The following NF1 variants were observed in gnomAD, a reference collection of about 807,000 sequenced individuals.
NF1 encodes the protein neurofibromin 1.
A neutral mutation model predicts 325.7 loss-of-function variants in NF1; 122 were observed. The observed-to-expected ratio is 0.37, with a 90% confidence interval of 0.32 to 0.44. The LOEUF (loss-of-function observed/expected upper bound fraction) is 0.44, where lower values mean the gene tolerates loss of function less well. Among genes scored for constraint, NF1 ranks in the 20% least tolerant of loss-of-function variants. The pLI is 1.00. For synonymous variants in NF1, 1,091 were observed against 1,186.0 expected (o/e 0.92, Z 1.65); for missense variants, 2,140 against 3,415.4 (o/e 0.63, Z 9.31).
intron 11 of NF1, among the ~76,000 whole-genome samples, chr17:31,204,236 A>C (rs2066581079): frequency 6.6e-6 from 1 of 152,104 alleles, no homozygotes. Context: ...TTTCCTTACG[A>C]CAATTTATCG....
chr17:31,218,675 G>A (rs538936679), intron 13 of NF1, among the ~76,000 whole-genome samples: 17 of 151,984 alleles, frequency 1.1e-4, no homozygotes, highest in Non-Finnish European at 1.0e-4. Flanking sequence ...AGCTTCAAGC[G>A]ATTCTCCTGC....
chr17:31,261,445 A>G (rs2067684461), intron 34 of NF1, among the ~76,000 whole-genome samples: 2 of 152,292 alleles, frequency 1.3e-5, no homozygotes, highest in South Asian at 2.1e-4. Context: ...TTAAATGCCA[A>G]TAAAAATGAT....
intron 18 of NF1, 128 bp downstream of exon 18, chr17:31,226,812 C>T (rs2067023859): frequency 8.1e-7 from 1 of 1,238,812 alleles, no homozygotes; most frequent in African/African-American, 1.5e-5. Flanking sequence ...ACTTGAAATC[C>T]TTTTCTGAAC....
At chr17:31,211,329 A>G (rs2066725117) in intron 12 of NF1, among the ~76,000 whole-genome samples, 1 of 152,232 alleles carries the variant, frequency 6.6e-6, no homozygotes, top group South Asian at 2.1e-4. Context: ...TCTGTAACCC[A>G]CTAAAATTAA....
chr17:31,199,383 G>A (rs1325868896), intron 8 of NF1, among the ~76,000 whole-genome samples: 1 of 151,978 alleles, frequency 6.6e-6, no homozygotes, highest in East Asian at 1.9e-4. Context: ...GAATTTTTTA[G>A]TTTTTTTATC....
At chr17:31,121,896 C>G (rs1397305057) in intron 1 of NF1, among the ~76,000 whole-genome samples, 1 of 152,194 alleles carries the variant, frequency 6.6e-6, no homozygotes, top group African/African-American at 2.4e-5. Flanking sequence ...ACTTTTTCAT[C>G]CTACAAAAAT....
chr17:31,121,395 C>CTTTTTTTTTTT lies in NF1; in HGVS notation c.60+26039_60+26049dup, dbSNP rs71142019. Reference sequence around the variant, plus strand: ...TCCCTTCTATGTGCAAATCACTATTCTTTTTTTTTTTTTTTTTTTTTTTGA... The same window carrying CTTTTTTTTTTT: ...TCCCTTCTATGTGCAAATCACTATTCTTTTTTTTTTTTTTTTTTTTTTTTTTTTTTTTTTGA... On this transcript the variant is annotated intron_variant, in intron 1 of 57. Transcript: ENST00000358273. Among the ~76,000 whole-genome samples, 21 of 92,510 alleles carry CTTTTTTTTTTT rather than the reference C, an allele frequency of 2.3e-4. 2 individuals carry two copies. Among genetic ancestry groups the CTTTTTTTTTTT allele is most frequent in the African/African-American group, 8.9e-4 (20 of 22,406 alleles). 60.7% of individuals were successfully genotyped at this position (92,510 alleles called of 152,430 possible). A position where few individuals can be genotyped will look rare whatever the true frequency, so the allele number is the denominator to read the frequency against.
At chr17:31,324,058 A>G (rs1567896284) in intron 36 of NF1, among the ~76,000 whole-genome samples, 1 of 151,860 alleles carries the variant, frequency 6.6e-6, no homozygotes, top group East Asian at 1.9e-4. Context: ...AGTATGTGTG[A>G]TTTTTTTGGT....
intron 48 of NF1, among the ~76,000 whole-genome samples, chr17:31,348,789 A>G (rs1326192873): frequency 6.6e-6 from 1 of 152,082 alleles, no homozygotes. Context: ...GAGAATTATA[A>G]TACATAGATT....
At chr17:31,276,459 A>G (rs2068011922) in intron 36 of NF1, among the ~76,000 whole-genome samples, 1 of 152,162 alleles carries the variant, frequency 6.6e-6, no homozygotes, top group Admixed American at 6.5e-5. Context: ...ATCATAATGC[A>G]CATTCATAAT....
At chr17:31,341,687 G>C (rs1421706539) in intron 47 of NF1, among the ~76,000 whole-genome samples, 1 of 151,062 alleles carries the variant, frequency 6.6e-6, no homozygotes, top group Admixed American at 6.6e-5. Flanking sequence ...GGTGCTAATG[G>C]GGTGTGTGTG....
chr17:31,117,672 C>CAAAAAAAAAAAAAAAA lies in NF1; in HGVS notation c.60+22319_60+22334dup, dbSNP rs780828438. On this transcript the variant is annotated intron_variant, in intron 1 of 57. Transcript: ENST00000358273. The stretch of plus-strand genomic sequence containing the variant: ...TGGGTGACAGAGCAAAACTCCATCT[C>CAAAAAAAAAAAAAAAA]AAAAAAAAAAAAAAAAAAAAAAAAA... Among the ~76,000 whole-genome samples, 9 of 19,812 alleles carry CAAAAAAAAAAAAAAAA rather than the reference C, an allele frequency of 4.5e-4. 2 individuals carry two copies. The highest frequency in any genetic ancestry group is 6.4e-4 in the Non-Finnish European group (6 of 9,344). 13.0% of individuals were successfully genotyped at this position (19,812 alleles called of 152,430 possible). A position where few individuals can be genotyped will look rare whatever the true frequency, so the allele number is the denominator to read the frequency against.
At chr17:31,147,127 T>G (rs1916634728) in intron 1 of NF1, among the ~76,000 whole-genome samples, 1 of 152,206 alleles carries the variant, frequency 6.6e-6, no homozygotes, top group South Asian at 2.1e-4. Context: ...ATTGTAAATA[T>G]ACAGCTCAGT....
chr17:31,358,756 ACT>A (rs2151585589), intron 55 of NF1, 134 bp downstream of exon 55: 1 of 1,260,330 alleles, frequency 7.9e-7, no homozygotes, highest in Non-Finnish European at 1.1e-6. Flanking sequence ...CCATTTTTTT[ACT>A]CTCTCAACTG....
rs1597703569 is a variant in NF1, at chr17:31,219,100, T to A, written c.1623T>A (p.Ile541=). 8 of 1,613,736 alleles carry A rather than the reference T, an allele frequency of 5.0e-6. No homozygotes were observed. The highest frequency in any genetic ancestry group is 6.8e-6 in the Non-Finnish European group (8 of 1,179,832). Residue 541 remains isoleucine, a synonymous_variant, in exon 14 of 58, where the codon ATT becomes ATA. Transcript: ENST00000358273. ...QLVPQSHMPE[I]AQEAMEALLV... Reference sequence around the variant, plus strand: ...TCCCTCAGTCACACATGCCAGAGATTGCTCAGGAAGCAATGGAGGTAAGGG... The same window carrying A: ...TCCCTCAGTCACACATGCCAGAGATAGCTCAGGAAGCAATGGAGGTAAGGG...
intron 1 of NF1, chr17:31,136,644 C>G (rs1038431802): frequency 6.6e-6 from 1 of 152,096 alleles, no homozygotes; most frequent in African/African-American, 2.4e-5. Flanking sequence ...ATCAGATTGA[C>G]TGTCATGATA....
intron 13 of NF1, among the ~76,000 whole-genome samples, chr17:31,217,998 C>T (rs569045844): frequency 3.3e-5 from 5 of 151,074 alleles, no homozygotes; most frequent in South Asian, 4.2e-4. Flanking sequence ...ATTTTCTTTG[C>T]TTAGTACACT....
At chr17:31,240,073 T>C (rs1200599409) in intron 29 of NF1, among the ~76,000 whole-genome samples, 1 of 152,192 alleles carries the variant, frequency 6.6e-6, no homozygotes, top group Non-Finnish European at 1.5e-5. Context: ...CTATCGTTTC[T>C]TTATGTTACA....
intron 3 of NF1, among the ~76,000 whole-genome samples, chr17:31,161,865 A>G (rs192688529): frequency 6.6e-6 from 1 of 150,800 alleles, no homozygotes; most frequent in Admixed American, 6.6e-5. Context: ...GCAAAACCCC[A>G]TATCTGCTAA....
Sources: allele counts gnomAD v4.1 joint callset (sites outside exome capture counted in the v4.1 genomes callset), GRCh38; gene constraint gnomAD v4.1.1; transcripts MANE v1.5; gene names NCBI Gene and HGNC (gene_info 2026-07-23, HGNC 2026-07-21).